EPHA6: variants seen among roughly 807,000 people sequenced by gnomAD.
EPHA6 encodes the protein EPH receptor A6, also known as ephrin type-A receptor 6.
EPHA6 carries 50 observed loss-of-function variants against 112.0 expected under a neutral mutation model. The ratio of observed to expected loss-of-function variants is 0.45; its 90% CI spans 0.36 to 0.56. EPHA6 has a LOEUF of 0.56. Among genes scored for constraint, EPHA6 ranks in the 20% least tolerant of loss-of-function variants. The pLI is 0.00. For missense variants in EPHA6, 1,280 were observed against 1,417.4 expected (o/e 0.90, Z 1.56); for synonymous variants, 529 against 490.7 (o/e 1.08, Z -1.03).
chr3:96,910,937 C>T (rs556557851), intron 2 of EPHA6, among the ~76,000 whole-genome samples: 1 of 152,130 alleles, frequency 6.6e-6, no homozygotes, highest in South Asian at 2.1e-4. Context: ...CATTGTTTTT[C>T]TCATAAATAA....
chr3:97,492,550 A>C (rs1276564410), intron 10 of EPHA6, among the ~76,000 whole-genome samples: 2 of 52,196 alleles, frequency 3.8e-5, no homozygotes, highest in Non-Finnish European at 7.0e-5. Context: ...TCAGTCTCAA[A>C]AAAAAAAAAA....
chr3:97,552,299 G>GA (rs1446477432), intron 11 of EPHA6, among the ~76,000 whole-genome samples: 9 of 152,192 alleles, frequency 5.9e-5, no homozygotes, highest in African/African-American at 1.2e-4. Context: ...CTTTGCTACA[G>GA]AAAAAATCTT....
chr3:96,864,762 C>T (rs1193336590), intron 1 of EPHA6, among the ~76,000 whole-genome samples: 1 of 151,976 alleles, frequency 6.6e-6, no homozygotes, highest in Non-Finnish European at 1.5e-5. Flanking sequence ...AACACTTAAA[C>T]AGGAATGCCA....
Position 97,480,073 on chromosome 3 carries a change from T to C in EPHA6, c.2074+709T>C, listed in dbSNP as rs562495909. Reference sequence around the variant, plus strand: ...ATAATATGCAAGGCAACTTAACTGTTTTATCTTTTATTTCAAATTGAGCAA... The same window carrying C: ...ATAATATGCAAGGCAACTTAACTGTCTTATCTTTTATTTCAAATTGAGCAA... On this transcript the variant is annotated intron_variant, in intron 9 of 17. Coordinates refer to ENST00000389672, the MANE Select transcript of EPHA6 (RefSeq NM_001080448.3). 5.9e-5 allele frequency among the ~76,000 whole-genome samples: 9 copies of C among 152,312 alleles called. No homozygotes were observed. In the South Asian group the frequency reaches 1.9e-3, roughly 32 times the overall value.
intron 2 of EPHA6, among the ~76,000 whole-genome samples, chr3:96,941,512 A>G (rs1413303290): frequency 1.3e-5 from 2 of 152,076 alleles, no homozygotes; most frequent in Non-Finnish European, 2.9e-5. Flanking sequence ...AATTTTTTTG[A>G]AAGTTTTTAA....
At chr3:97,547,781 C>G (rs1031696407) in intron 11 of EPHA6, among the ~76,000 whole-genome samples, 1 of 152,190 alleles carries the variant, frequency 6.6e-6, no homozygotes, top group Non-Finnish European at 1.5e-5. Flanking sequence ...CGCCCCTCCC[C>G]CAGCCTCACT....
intron 3 of EPHA6, among the ~76,000 whole-genome samples, chr3:97,002,957 A>G (rs912814209): frequency 1.3e-5 from 2 of 152,186 alleles, no homozygotes; most frequent in Non-Finnish European, 2.9e-5. Flanking sequence ...ACTAAATTAC[A>G]TGAAGTAGTA....
intron 3 of EPHA6, among the ~76,000 whole-genome samples, chr3:97,056,067 G>A (rs898009937): frequency 1.3e-5 from 2 of 151,922 alleles, no homozygotes; most frequent in Non-Finnish European, 2.9e-5. Flanking sequence ...ACTGTAACCA[G>A]AATACCATCA....
At chr3:96,925,627 CAG>C (rs1432571275) in intron 2 of EPHA6, among the ~76,000 whole-genome samples, 1 of 138,640 alleles carries the variant, frequency 7.2e-6, no homozygotes, top group African/African-American at 2.8e-5. Context: ...TTTCCCAAGA[CAG>C]AGTTTTGCTC....
chr3:96,929,930 T>G (rs952216838), intron 2 of EPHA6, among the ~76,000 whole-genome samples: 1 of 152,192 alleles, frequency 6.6e-6, no homozygotes, highest in Admixed American at 6.5e-5. Context: ...TTCATTCTTT[T>G]TTGTCTTTTC....
intron 10 of EPHA6, among the ~76,000 whole-genome samples, chr3:97,521,251 T>A (rs1234414661): frequency 6.6e-6 from 1 of 152,032 alleles, no homozygotes; most frequent in Non-Finnish European, 1.5e-5. Context: ...TTTGGAGGTG[T>A]CATATTTCTT....
chr3:97,332,460 G>A (rs2082848683), intron 5 of EPHA6, among the ~76,000 whole-genome samples: 1 of 152,134 alleles, frequency 6.6e-6, no homozygotes, highest in African/African-American at 2.4e-5. Flanking sequence ...AAAAGAGGAA[G>A]TTAAATTGTC....
chr3:97,709,757 A>C (rs77234342), intron 14 of EPHA6, among the ~76,000 whole-genome samples: 4,831 of 152,268 alleles, frequency 0.032, 108 homozygotes, highest in Non-Finnish European at 0.05. Flanking sequence ...GTCTCCCCCC[A>C]TGCTTCACTT....
intron 3 of EPHA6, among the ~76,000 whole-genome samples, chr3:97,170,931 G>A (rs1449089325): frequency 1.3e-5 from 2 of 152,106 alleles, no homozygotes; most frequent in African/African-American, 2.4e-5. Context: ...GATATTGTAA[G>A]CCAAAAGTGT....
At chr3:97,072,120 A>G (rs1004655771) in intron 3 of EPHA6, among the ~76,000 whole-genome samples, 2 of 152,150 alleles carry the variant, frequency 1.3e-5, no homozygotes, top group East Asian at 1.9e-4. Flanking sequence ...ACAATTTGCA[A>G]TTGCAAACAT....
chr3:97,370,196 A>G (rs543370771), intron 5 of EPHA6, among the ~76,000 whole-genome samples: 2 of 152,280 alleles, frequency 1.3e-5, no homozygotes, highest in Non-Finnish European at 2.9e-5. Flanking sequence ...TACTGCTTCC[A>G]TTAATGGAGA....
intron 2 of EPHA6, among the ~76,000 whole-genome samples, chr3:96,934,331 AT>A (rs1366745386): frequency 1.3e-5 from 2 of 151,564 alleles, no homozygotes; most frequent in African/African-American, 2.4e-5. Flanking sequence ...TTTATGATCC[AT>A]TTTTTATTTT....
intron 3 of EPHA6, among the ~76,000 whole-genome samples, chr3:97,022,781 G>T (rs764775435): frequency 2.6e-5 from 4 of 152,136 alleles, no homozygotes; most frequent in Non-Finnish European, 5.9e-5. Flanking sequence ...CACTGAAAGA[G>T]GCTGGTCAAG....
chr3:96,892,253 C>T (rs1243270068), intron 2 of EPHA6, among the ~76,000 whole-genome samples: 1 of 152,034 alleles, frequency 6.6e-6, no homozygotes, highest in African/African-American at 2.4e-5. Context: ...CAGAGTCTTG[C>T]TCTGTCGCCC....
Sources: allele counts gnomAD v4.1 joint callset (sites outside exome capture counted in the v4.1 genomes callset), GRCh38; gene constraint gnomAD v4.1.1; transcripts MANE v1.5; gene names NCBI Gene and HGNC (gene_info 2026-07-23, HGNC 2026-07-21).